Variants in DNAH5 observed in about 807,000 individuals in gnomAD.
The protein encoded by DNAH5 is axonemal beta dynein heavy chain 5.
A neutral mutation model predicts 518.2 loss-of-function variants in DNAH5; 372 were observed. The observed-to-expected ratio is 0.72, with a 90% confidence interval of 0.66 to 0.78. The LOEUF (loss-of-function observed/expected upper bound fraction) is 0.78. DNAH5 is among the 30% of genes least tolerant of loss of function. The pLI is 0.00. For missense variants in DNAH5, 5,523 were observed against 5,687.0 expected (o/e 0.97, Z 0.93); for synonymous variants, 2,039 against 2,025.9 (o/e 1.01, Z -0.17).
chr5:13,770,578 A>G (rs1753195421), intron 56 of DNAH5, among the ~76,000 whole-genome samples, 171 bp downstream of exon 56: 1 of 152,098 alleles, frequency 6.6e-6, no homozygotes, highest in Admixed American at 6.6e-5. Context: ...GTTTAGCAAC[A>G]TCCCTAAGCC....
intron 61 of DNAH5, among the ~76,000 whole-genome samples, chr5:13,757,233 T>G (rs947300260): frequency 6.6e-6 from 1 of 152,222 alleles, no homozygotes; most frequent in African/African-American, 2.4e-5. Context: ...GTAATGGGAT[T>G]GCTGGGTCAA....
intron 1 of DNAH5, 29 bp downstream of exon 1, chr5:13,944,353 A>T (rs758030522): frequency 6.2e-7 from 1 of 1,611,246 alleles, no homozygotes; most frequent in South Asian, 1.1e-5. Context: ...CAAAACACAC[A>T]TGCAAAGGTA....
At chr5:13,882,637 A>G in intron 21 of DNAH5, 91 bp downstream of exon 21, 1 of 1,000,662 alleles carries the variant, frequency 1.0e-6, no homozygotes, top group East Asian at 2.5e-5. Flanking sequence ...TGTAAAATAA[A>G]TTGAGAATTA....
intron 52 of DNAH5, 75 bp from the exon 53 acceptor site, chr5:13,781,034 G>T: frequency 3.3e-6 from 5 of 1,505,354 alleles, no homozygotes; most frequent in Non-Finnish European, 4.6e-6. Flanking sequence ...TTCAATATAT[G>T]AATAAGGCCT....
chr5:13,711,754 G>T (rs1743502547), intron 75 of DNAH5, among the ~76,000 whole-genome samples: 1 of 152,050 alleles, frequency 6.6e-6, no homozygotes, highest in African/African-American at 2.4e-5. Context: ...ATCAAATCAA[G>T]AACGCAACCC....
chr5:13,755,175 G>T (rs1478231282), intron 61 of DNAH5, among the ~76,000 whole-genome samples: 1 of 152,062 alleles, frequency 6.6e-6, no homozygotes, highest in Non-Finnish European at 1.5e-5. Context: ...AGCAACAATT[G>T]CTTATTCTAC....
chr5:13,987,272 C>T (rs1050248837), intron 1 of DNAH5, among the ~76,000 whole-genome samples: 1 of 151,972 alleles, frequency 6.6e-6, no homozygotes, highest in Non-Finnish European at 1.5e-5. Flanking sequence ...GAACTCAATC[C>T]AAGACATTCT....
At chr5:13,979,900 G>C (rs1417229133) in intron 1 of DNAH5, among the ~76,000 whole-genome samples, 1 of 150,308 alleles carries the variant, frequency 6.7e-6, no homozygotes, top group African/African-American at 2.4e-5. Flanking sequence ...GAGTGCAGTG[G>C]AGCAATTTGG....
At chr5:13,726,582 G>C (rs1745772095) in intron 70 of DNAH5, among the ~76,000 whole-genome samples, 2 of 152,144 alleles carry the variant, frequency 1.3e-5, no homozygotes, top group South Asian at 4.1e-4. Flanking sequence ...AATTCAGTTG[G>C]GCAGGATAAA....
At position 13,814,817 on chromosome 5, in the gene DNAH5, G is replaced by T. The variant is rs202082284; in HGVS notation, c.7018C>A (p.Pro2340Thr). The change falls in exon 43 of 79, where the codon CCA (proline) becomes ACA (threonine). Residue 2340 changes from proline (P) to threonine (T), a missense_variant. Pro to Thr is a conservative substitution (Grantham distance 38, BLOSUM62 -1). Transcript: ENST00000265104. The stretch of plus-strand genomic sequence containing the variant: ...TTTTCAATCCAGATGGCATCTACTG[G>T]ACCATCAAGAATTATCCAGATATGT... ...GEHIWIILDG[P>T]VDAIWIENLN... The T allele has an allele frequency of 2.4e-5, 38 of 1,613,308 alleles. No individual in the cohort carries two copies. The highest frequency in any genetic ancestry group is 5.4e-5 in the African/African-American group (4 of 74,736).
chr5:13,743,158 T>C lies in DNAH5; in HGVS notation c.11212-5663A>G, dbSNP rs185134029. Among the ~76,000 whole-genome samples, 192 of 152,174 alleles carry C rather than the reference T, an allele frequency of 1.3e-3. 1 individual carries two copies. The highest frequency in any genetic ancestry group is 7.0e-3 in the South Asian group (34 of 4,824). ...ATAAGTCTCCTTCCCACCAAAGGGA[T>C]TATCTCTTAGCAGGCAGATAGATAT... On this transcript the variant is annotated intron_variant, in intron 65 of 78. Coordinates refer to ENST00000265104, the MANE Select transcript of DNAH5 (RefSeq NM_001369.3).
At chr5:13,756,050 C>T (rs908629102) in intron 61 of DNAH5, among the ~76,000 whole-genome samples, 6 of 152,194 alleles carry the variant, frequency 3.9e-5, no homozygotes, top group Non-Finnish European at 8.8e-5. Context: ...AGTAGTACCC[C>T]CCTCCTCAGG....
chr5:13,841,666 A>C (rs767944411), intron 33 of DNAH5, 26 bp downstream of exon 33: 1 of 1,561,278 alleles, frequency 6.4e-7, no homozygotes, highest in Non-Finnish European at 8.8e-7. Context: ...TTTACAAAAC[A>C]TACTTTCAAA....
chr5:13,865,604 GC>G, intron 27 of DNAH5, 63 bp downstream of exon 27: 3 of 986,506 alleles, frequency 3.0e-6, no homozygotes, highest in Non-Finnish European at 4.9e-6. Flanking sequence ...GAACTTGGCT[GC>G]CTATCAAAGA....
intron 19 of DNAH5, 39 bp downstream of exon 19, chr5:13,884,950 G>T: frequency 6.2e-7 from 1 of 1,613,436 alleles, no homozygotes; most frequent in Non-Finnish European, 8.5e-7. Flanking sequence ...CAGCAACTAT[G>T]CCTGATCATC....
intron 3 of DNAH5, 146 bp from the exon 4 acceptor site, chr5:13,923,586 C>T: frequency 1.2e-6 from 1 of 852,330 alleles, no homozygotes. Flanking sequence ...CAATCTCTAG[C>T]ATGAGCCGTA....
chr5:13,974,996 C>T lies in DNAH5; in HGVS notation c.12+36652G>A, dbSNP rs142784140. Among the ~76,000 whole-genome samples, 20 of 152,248 alleles carry T rather than the reference C, an allele frequency of 1.3e-4. No individual in the cohort carries two copies. The East Asian group carries it at 3.5e-3, about 26-fold the overall frequency. ...AGGCACAGACTGGCCCTCTGGAGTC[C>T]ACAGGGTGAGGGAGCAAATACCGCG... On this transcript the variant is annotated intron_variant, in intron 1 of 78. Transcript: ENST00000681290.
At chr5:13,791,594 T>C (rs1183362710) in intron 50 of DNAH5, among the ~76,000 whole-genome samples, 1 of 152,222 alleles carries the variant, frequency 6.6e-6, no homozygotes, top group Non-Finnish European at 1.5e-5. Flanking sequence ...ATTATAAAGA[T>C]AATTACTTTT....
intron 11 of DNAH5, among the ~76,000 whole-genome samples, chr5:13,912,990 A>G (rs1776197412): frequency 6.6e-6 from 1 of 151,994 alleles, no homozygotes; most frequent in Non-Finnish European, 1.5e-5. Context: ...GAAATGAAAA[A>G]GATTCCTTAT....
Sources: allele counts gnomAD v4.1 joint callset (sites outside exome capture counted in the v4.1 genomes callset), GRCh38; gene constraint gnomAD v4.1.1; transcripts MANE v1.5; gene names NCBI Gene and HGNC (gene_info 2026-07-23, HGNC 2026-07-21).